WDR35: variants seen among roughly 807,000 people sequenced by gnomAD.
WDR35 encodes WD repeat domain 35, also known as WD repeat-containing protein 35.
In WDR35, 118 loss-of-function variants were observed where a neutral mutation model predicts 158.3. The ratio of observed to expected loss-of-function variants is 0.75; its 90% CI spans 0.64 to 0.87. The LOEUF is 0.87. WDR35 is among the 40% of genes least tolerant of loss of function. The pLI is 0.00. For missense variants in WDR35, 1,263 were observed against 1,405.8 expected (o/e 0.90, Z 1.62); for synonymous variants, 448 against 476.1 (o/e 0.94, Z 0.77).
chr2:19,926,146 AC>A (rs1273483504), intron 25 of WDR35, among the ~76,000 whole-genome samples: 1 of 152,252 alleles, frequency 6.6e-6, no homozygotes, highest in Non-Finnish European at 1.5e-5. Flanking sequence ...CAGTTATACA[AC>A]CTATGGGAGC....
At chr2:19,949,289 G>T (rs1169872334) in intron 13 of WDR35, among the ~76,000 whole-genome samples, 1 of 152,218 alleles carries the variant, frequency 6.6e-6, no homozygotes, top group Admixed American at 6.5e-5. Flanking sequence ...CCAGGAAGGA[G>T]GAGTAGTTGT....
At chr2:19,938,900 C>T (rs1319209020) in intron 17 of WDR35, among the ~76,000 whole-genome samples, 2 of 152,184 alleles carry the variant, frequency 1.3e-5, no homozygotes, top group African/African-American at 4.8e-5. Flanking sequence ...ATCTCCTCAA[C>T]TCCTCTACCT....
At position 19,932,391 on chromosome 2, in the gene WDR35, CA is replaced by C; in HGVS notation, c.2714del (p.Leu905ArgfsTer2). 6.2e-7 allele frequency: 1 copy of C among 1,613,274 alleles called. No homozygotes were observed. Among genetic ancestry groups the C allele is most frequent in the Non-Finnish European group, 8.5e-7 (1 of 1,179,528 alleles). Reference protein sequence around the residue: ...KNHSMKEIGSLLARYASHLLE... With the variant: ...KNHSMKEIGSXLARYASHLLE... ...GTAAATGAGATGCATACCTAGCTAA[CA>C]GAGATCCAATTTCTTTCATACTATG... On this transcript the variant is annotated frameshift_variant, in exon 23 of 27. Coordinates refer to ENST00000281405, the MANE Select transcript of WDR35 (RefSeq NM_020779.4). LOFTEE classifies it high-confidence loss of function.
chr2:19,978,934 G>A, intron 4 of WDR35, 55 bp from the exon 5 acceptor site: 1 of 1,605,388 alleles, frequency 6.2e-7, no homozygotes, highest in Non-Finnish European at 8.5e-7. Flanking sequence ...CTATTAAATA[G>A]TAGTTAAGAA....
At position 19,935,481 on chromosome 2, in the gene WDR35, T is replaced by C. The variant is rs1314235464; in HGVS notation, c.2537A>G (p.Lys846Arg). The C allele has an allele frequency of 6.2e-7, 1 of 1,613,004 alleles. No individual in the cohort carries two copies. The highest frequency in any genetic ancestry group is 8.5e-7 in the Non-Finnish European group (1 of 1,179,504). Reference protein sequence around the residue: ...NLAISLPENHKLLPEIAQMFV... With the variant: ...NLAISLPENHRLLPEIAQMFV... ...ATTTGCAATACCTACTGGAAGTAAC[T>C]TGTGGTTTTCTGGAAGTGAAATGGC... Residue 846 changes from lysine (K) to arginine (R), a missense_variant, in exon 21 of 27, where the codon AAG (lysine) becomes AGG (arginine). Coordinates refer to ENST00000281405, the MANE Select transcript of WDR35 (RefSeq NM_020779.4).
intron 6 of WDR35, 145 bp downstream of exon 6, chr2:19,975,385 C>T (rs1034273293): frequency 3.8e-5 from 40 of 1,058,740 alleles, no homozygotes; most frequent in Non-Finnish European, 4.6e-5. Flanking sequence ...AAAATTTAGA[C>T]GATTGGGAAA....
chr2:19,980,597 G>C (rs1300622889), intron 4 of WDR35, 94 bp downstream of exon 4: 24 of 969,240 alleles, frequency 2.5e-5, no homozygotes, highest in Admixed American at 3.6e-5. Context: ...TTAGTAAAAG[G>C]GGTCTATTTT....
chr2:19,989,041 T>A, intron 2 of WDR35, 124 bp downstream of exon 2: 1 of 876,088 alleles, frequency 1.1e-6, no homozygotes, highest in Non-Finnish European at 1.9e-6. Context: ...CACCATAAAA[T>A]GTTTTGGTAG....
chr2:19,935,389 T>C (rs1670659963), intron 21 of WDR35, 82 bp downstream of exon 21: 1 of 1,455,870 alleles, frequency 6.9e-7, no homozygotes, highest in African/African-American at 1.4e-5. Flanking sequence ...TTTTCTTTAT[T>C]GTGGGAGATA....
At chr2:19,943,462 T>C (rs529171918) in intron 16 of WDR35, among the ~76,000 whole-genome samples, 2 of 152,276 alleles carry the variant, frequency 1.3e-5, no homozygotes, top group African/African-American at 2.4e-5. Context: ...AAAATAAAGT[T>C]ATGTCATCCA....
intron 17 of WDR35, among the ~76,000 whole-genome samples, chr2:19,939,190 G>A (rs1379931939): frequency 6.6e-6 from 1 of 152,106 alleles, no homozygotes; most frequent in African/African-American, 2.4e-5. Flanking sequence ...TACGTAAGGA[G>A]AAAATGTAGT....
At chr2:19,979,026 C>G (rs1672303140) in intron 4 of WDR35, 147 bp from the exon 5 acceptor site, 3 of 971,294 alleles carry the variant, frequency 3.1e-6, no homozygotes, top group Non-Finnish European at 3.0e-6. Flanking sequence ...TATAAAACTT[C>G]CAAATCCAAC....
chr2:19,979,253 G>C (rs948629511), intron 4 of WDR35, among the ~76,000 whole-genome samples: 1 of 151,958 alleles, frequency 6.6e-6, no homozygotes, highest in African/African-American at 2.4e-5. Context: ...ATATGGTTCA[G>C]ATCATAACCA....
intron 10 of WDR35, among the ~76,000 whole-genome samples, chr2:19,963,785 C>T (rs1226529473): frequency 6.6e-6 from 1 of 152,040 alleles, no homozygotes; most frequent in African/African-American, 2.4e-5. Flanking sequence ...CACTCTGTCG[C>T]CCAGGCTGGA....
intron 16 of WDR35, among the ~76,000 whole-genome samples, chr2:19,943,325 G>C (rs1670936284): frequency 6.6e-6 from 1 of 152,068 alleles, no homozygotes; most frequent in Non-Finnish European, 1.5e-5. Flanking sequence ...AAGTTATCAA[G>C]TAGAGTATTT....
intron 14 of WDR35, among the ~76,000 whole-genome samples, chr2:19,947,491 A>C (rs545479635): frequency 6.6e-6 from 1 of 152,362 alleles, no homozygotes; most frequent in East Asian, 1.9e-4. Context: ...TATAAAAGTA[A>C]ACATTAATTT....
intron 19 of WDR35, 29 bp downstream of exon 19, chr2:19,937,714 T>C: frequency 6.2e-7 from 1 of 1,613,894 alleles, no homozygotes; most frequent in Non-Finnish European, 8.5e-7. Context: ...GATAGAGTAC[T>C]CAGGGATGCC....
In WDR35 at chr2:19,913,691, G is replaced by C. The variant is rs1290357007; in HGVS notation, c.3380C>G (p.Pro1127Arg). Residue 1127 changes from proline to arginine, a missense_variant, in exon 27 of 27, where the codon CCA (proline) becomes CGA (arginine). Pro to Arg is a moderately radical substitution (Grantham distance 103). Transcript: ENST00000281405. ...TGGGCTTCCTGTGGCAACGCATGTT[G>C]GCAGTTTCCCTTCTCCACTGTAAAA... is the stretch of plus-strand genomic sequence containing the variant. Reference protein sequence around the residue: ...SLMEGGEGKLPTCVATGSPIT... With the variant: ...SLMEGGEGKLRTCVATGSPIT... 6.2e-7 allele frequency: 1 copy of C among 1,613,896 alleles called. No individual in the cohort carries two copies. Among genetic ancestry groups the C allele is most frequent in the South Asian group, 1.1e-5 (1 of 91,076 alleles).
At chr2:19,973,114 C>T (rs141394614) in intron 8 of WDR35, among the ~76,000 whole-genome samples, 2,208 of 152,030 alleles carry the variant, frequency 0.015, 20 homozygotes, top group Middle Eastern at 0.045. Flanking sequence ...GATTACTTTG[C>T]AACAAATTAA....
Sources: allele counts gnomAD v4.1 joint callset (sites outside exome capture counted in the v4.1 genomes callset), GRCh38; gene constraint gnomAD v4.1.1; transcripts MANE v1.5; gene names NCBI Gene and HGNC (gene_info 2026-07-23, HGNC 2026-07-21).